Variants in EHMT1 observed in about 807,000 individuals in gnomAD.
EHMT1 encodes histone-lysine N-methyltransferase EHMT1.
A neutral mutation model predicts 147.2 loss-of-function variants in EHMT1; 15 were observed. The observed-to-expected ratio is 0.10, with a 90% CI of 0.07 to 0.16. The LOEUF (loss-of-function observed/expected upper bound fraction) is 0.16. Among genes scored for constraint, EHMT1 ranks in the 10% least tolerant of loss-of-function variants. EHMT1 has a pLI of 1.00. For missense variants in EHMT1, 1,587 were observed against 1,772.4 expected (o/e 0.90, Z 1.88); for synonymous variants, 795 against 709.6 (o/e 1.12, Z -1.91).
intron 1 of EHMT1, among the ~76,000 whole-genome samples, chr9:137,686,678 G>A (rs1324249741): frequency 2.0e-5 from 3 of 150,792 alleles, no homozygotes. Context: ...ACTGTGCCCA[G>A]CTGAGTCAAT....
intron 17 of EHMT1, chr9:137,800,596 G>A (rs1462957936): frequency 4.0e-6 from 2 of 498,846 alleles, no homozygotes; most frequent in Admixed American, 6.6e-5. Context: ...AGTGAGTGGT[G>A]CCCAACTGGG....
chr9:137,641,614 C>G (rs1240265674), intron 1 of EHMT1: 1 of 259,682 alleles, frequency 3.9e-6, no homozygotes, highest in Non-Finnish European at 7.5e-6. Context: ...ACTTGCTAAG[C>G]CTGTTTCTGA....
chr9:137,698,546 G>A lies in EHMT1; in HGVS notation c.22-12421G>A, dbSNP rs572838021. Reference sequence around the variant, plus strand: ...TTGCCAGGTTGTTCAAAGGTAGAGTGGGCAGGGAGGTGGCTGGCTATCCCC... The same window carrying A: ...TTGCCAGGTTGTTCAAAGGTAGAGTAGGCAGGGAGGTGGCTGGCTATCCCC... On this transcript the variant is annotated intron_variant, in intron 1 of 26. Transcript: ENST00000460843. Among the ~76,000 whole-genome samples the A allele has an allele frequency of 1.4e-4, 21 of 152,286 alleles. No homozygotes were observed. The South Asian group carries it at 4.4e-3, about 32-fold the overall frequency.
chr9:137,810,144 C>T (rs1954315859), intron 18 of EHMT1, among the ~76,000 whole-genome samples: 1 of 144,632 alleles, frequency 6.9e-6, no homozygotes, highest in Non-Finnish European at 1.5e-5. Context: ...CGATGCTGCC[C>T]CTCGTGGACT....
chr9:137,823,755 G>A lies in EHMT1; in HGVS notation c.3540+5617G>A, dbSNP rs183764660. Among the ~76,000 whole-genome samples, 36 of 152,010 alleles carry A rather than the reference G, an allele frequency of 2.4e-4. No individual in the cohort carries two copies. The East Asian group carries it at 4.9e-3, about 21-fold the overall frequency. On this transcript the variant is annotated intron_variant, in intron 25 of 26. Transcript: ENST00000460843. ...ATATTTTTAGTAGAGACGAGGTTTC[G>A]CCATGTTGGCCAGGCTGGTCTCGAA...
At chr9:137,752,955 C>T (rs771313893) in intron 7 of EHMT1, among the ~76,000 whole-genome samples, 1 of 152,154 alleles carries the variant, frequency 6.6e-6, no homozygotes, top group Non-Finnish European at 1.5e-5. Flanking sequence ...AGGGGTTCTG[C>T]TCCGTCCCTA....
At chr9:137,766,386 A>C (rs1363065092) in intron 10 of EHMT1, among the ~76,000 whole-genome samples, 1 of 152,216 alleles carries the variant, frequency 6.6e-6, no homozygotes, top group Admixed American at 6.5e-5. Context: ...AGGCCGAAGC[A>C]GGCAGGTCAC....
At chr9:137,629,095 T>A (rs566474082) in intron 1 of EHMT1, among the ~76,000 whole-genome samples, 1 of 114,808 alleles carries the variant, frequency 8.7e-6, no homozygotes, top group African/African-American at 3.5e-5. Flanking sequence ...GCTTTTGTAT[T>A]TTTTTTTTTT....
chr9:137,680,373 C>T (rs1327032975), intron 1 of EHMT1, among the ~76,000 whole-genome samples: 1 of 151,892 alleles, frequency 6.6e-6, no homozygotes, highest in East Asian at 1.9e-4. Flanking sequence ...CTTGGGAGGC[C>T]GAGGCATGAG....
At chr9:137,788,172 G>A (rs1159146579) in intron 15 of EHMT1, 20 of 747,112 alleles carry the variant, frequency 2.7e-5, no homozygotes, top group Admixed American at 1.2e-4. Context: ...ACTGCACCCC[G>A]TACCTGCCTG....
At chr9:137,669,376 T>TCACCAACTCCACCCAA (rs1564562595) in intron 1 of EHMT1, among the ~76,000 whole-genome samples, 1 of 4,680 alleles carries the variant, frequency 2.1e-4, no homozygotes, top group Admixed American at 2.6e-3. Flanking sequence ...GCACGTGCAC[T>TCACCAACTCCACCCAA]GGACTCCACC....
intron 25 of EHMT1, among the ~76,000 whole-genome samples, chr9:137,820,736 C>T (rs1382484234): frequency 1.3e-5 from 2 of 152,210 alleles, no homozygotes; most frequent in Non-Finnish European, 2.9e-5. Context: ...GTCTTTTCCC[C>T]AGTCAGCAGT....
chr9:137,769,438 C>T (rs374389370), intron 10 of EHMT1, among the ~76,000 whole-genome samples: 15 of 152,240 alleles, frequency 9.9e-5, no homozygotes, highest in South Asian at 6.2e-4. Context: ...AATGAATTCT[C>T]TCAGCTTTTG....
chr9:137,772,367 A>G (rs1564731288), intron 10 of EHMT1, among the ~76,000 whole-genome samples: 2 of 152,230 alleles, frequency 1.3e-5, no homozygotes, highest in African/African-American at 2.4e-5. Flanking sequence ...TAAAACAGAC[A>G]CTAAAAAAAT....
intron 1 of EHMT1, among the ~76,000 whole-genome samples, chr9:137,626,393 C>T (rs114644898): frequency 0.028 from 4,284 of 151,908 alleles, 207 homozygotes; most frequent in African/African-American, 0.092. Flanking sequence ...CCAGCTGGTG[C>T]GTGCCTGAAA....
chr9:137,624,420 A>C (rs10115767), intron 1 of EHMT1, among the ~76,000 whole-genome samples: 2 of 149,920 alleles, frequency 1.3e-5, no homozygotes, highest in African/African-American at 4.9e-5. Context: ...GGTTCAGGCA[A>C]TTCTCCTGCC....
chr9:137,627,239 T>C (rs1274165762), intron 1 of EHMT1, among the ~76,000 whole-genome samples: 3 of 149,866 alleles, frequency 2.0e-5, no homozygotes, highest in African/African-American at 4.9e-5. Flanking sequence ...ATTGTAGGCA[T>C]GAACCACCAT....
intron 6 of EHMT1, among the ~76,000 whole-genome samples, chr9:137,751,353 G>A (rs954496418): frequency 2.0e-5 from 3 of 152,196 alleles, no homozygotes; most frequent in Non-Finnish European, 4.4e-5. Context: ...CAGGGGTCTC[G>A]CTGTGTTGCC....
intron 15 of EHMT1, chr9:137,788,469 T>C (rs1168407159): frequency 2.9e-5 from 5 of 172,968 alleles, no homozygotes; most frequent in Admixed American, 6.1e-5. Context: ...AGGTTGCAGG[T>C]GTAGGGAGAT....
Sources: allele counts gnomAD v4.1 joint callset (sites outside exome capture counted in the v4.1 genomes callset), GRCh38; gene constraint gnomAD v4.1.1; transcripts MANE v1.5; gene names NCBI Gene and HGNC (gene_info 2026-07-23, HGNC 2026-07-21).